The following CTNNA3 variants were observed in gnomAD, a reference collection of about 807,000 sequenced individuals.
CTNNA3 encodes the protein catenin alpha-3.
A neutral mutation model predicts 95.7 loss-of-function variants in CTNNA3; 76 were observed. The ratio of observed to expected loss-of-function variants is 0.79; its 90% CI spans 0.66 to 0.96. CTNNA3 has a LOEUF of 0.96. Among genes scored for constraint, CTNNA3 ranks in the 40% least tolerant of loss-of-function variants. CTNNA3 has a pLI of 0.00. For synonymous variants in CTNNA3, 431 were observed against 374.4 expected, an observed-to-expected ratio of 1.15 and a Z score of -1.74; for missense variants, 1,191 against 1,089.8, an observed-to-expected ratio of 1.09 and a Z score of -1.31.
chr10:66,048,480 G>T (rs1267803922), intron 15 of CTNNA3, among the ~76,000 whole-genome samples: 2 of 152,056 alleles, frequency 1.3e-5, no homozygotes, highest in Non-Finnish European at 2.9e-5. Context: ...TCAACTCAAG[G>T]CTCAGCGCGG....
intron 1 of CTNNA3, among the ~76,000 whole-genome samples, chr10:67,719,342 C>T (rs1433871976): frequency 6.6e-6 from 1 of 151,770 alleles, no homozygotes; most frequent in Admixed American, 6.6e-5. Context: ...CTTCTGCTAG[C>T]TTTTGAATTT....
intron 9 of CTNNA3, among the ~76,000 whole-genome samples, chr10:66,637,240 T>G (rs929998005): frequency 6.6e-6 from 1 of 152,228 alleles, no homozygotes; most frequent in Non-Finnish European, 1.5e-5. Flanking sequence ...TTACATTGCA[T>G]GTTATTTTAT....
chr10:67,643,255 A>C (rs564843903), intron 2 of CTNNA3, among the ~76,000 whole-genome samples: 63 of 152,054 alleles, frequency 4.1e-4, no homozygotes, highest in Non-Finnish European at 7.9e-4. Flanking sequence ...CTCACTTATA[A>C]GTGGGAGCTG....
intron 7 of CTNNA3, among the ~76,000 whole-genome samples, chr10:67,087,829 A>G (rs1302387379): frequency 1.3e-5 from 2 of 151,954 alleles, no homozygotes; most frequent in African/African-American, 4.8e-5. Flanking sequence ...ACTAACCCTT[A>G]CTCTTTTCTT....
At chr10:66,818,026 A>G (rs999724595) in intron 7 of CTNNA3, among the ~76,000 whole-genome samples, 2 of 152,006 alleles carry the variant, frequency 1.3e-5, no homozygotes, top group African/African-American at 2.4e-5. Flanking sequence ...TGAATAGAAT[A>G]ATGAACCAAA....
chr10:67,074,805 T>C (rs1166226378), intron 7 of CTNNA3, among the ~76,000 whole-genome samples: 5 of 149,330 alleles, frequency 3.3e-5, no homozygotes, highest in African/African-American at 1.3e-4. Context: ...ATTATGAACA[T>C]AACATAATTT....
At chr10:66,874,545 A>G (rs911960820) in intron 7 of CTNNA3, among the ~76,000 whole-genome samples, 3 of 152,220 alleles carry the variant, frequency 2.0e-5, no homozygotes, top group Admixed American at 2.0e-4. Context: ...TAAAGGTATT[A>G]TATTTAAACA....
chr10:65,920,058 A>G lies in CTNNA3; in HGVS notation c.*272T>C. ...TTTATTTGGTAACGAATAGTAGATAATCTCTATGATGGGAAACGCTGAATG... is the reference window on the plus strand; with the variant it reads ...TTTATTTGGTAACGAATAGTAGATAGTCTCTATGATGGGAAACGCTGAATG... On this transcript the variant is annotated 3_prime_UTR_variant, in exon 18 of 18. Coordinates refer to ENST00000433211, the MANE Select transcript of CTNNA3 (RefSeq NM_013266.4). The G allele has an allele frequency of 2.2e-6, 1 of 448,952 alleles. No individual in the cohort carries two copies. The highest frequency in any genetic ancestry group is 4.0e-6 in the Non-Finnish European group (1 of 249,492). 27.8% of individuals were successfully genotyped at this position (448,952 alleles called of 1,614,324 possible).
intron 7 of CTNNA3, among the ~76,000 whole-genome samples, chr10:67,058,632 C>A (rs573284721): frequency 6.6e-6 from 1 of 151,966 alleles, no homozygotes; most frequent in Non-Finnish European, 1.5e-5. Context: ...CGCAGAAGCC[C>A]AGAGAGCACT....
chr10:67,282,135 A>T (rs1434993565), intron 5 of CTNNA3, among the ~76,000 whole-genome samples: 1 of 152,188 alleles, frequency 6.6e-6, no homozygotes, highest in Non-Finnish European at 1.5e-5. Context: ...CATAATAAAT[A>T]TTATTTTTTA....
intron 5 of CTNNA3, among the ~76,000 whole-genome samples, chr10:67,255,966 C>T (rs973507572): frequency 6.6e-6 from 1 of 151,346 alleles, no homozygotes. Flanking sequence ...CCAGCACCAC[C>T]AGAGAAATAA....
intron 12 of CTNNA3, among the ~76,000 whole-genome samples, chr10:66,372,856 T>C (rs1235720296): frequency 6.6e-6 from 1 of 152,102 alleles, no homozygotes; most frequent in Non-Finnish European, 1.5e-5. Context: ...ACCCCCATGA[T>C]TCAATTACCT....
At chr10:66,778,281 C>T (rs145460977) in intron 7 of CTNNA3, among the ~76,000 whole-genome samples, 1 of 152,192 alleles carries the variant, frequency 6.6e-6, no homozygotes, top group Non-Finnish European at 1.5e-5. Flanking sequence ...ATTCCTTTTG[C>T]ATAGCATAAA....
chr10:66,328,911 C>CATATACATATATAT (rs71466862), intron 12 of CTNNA3, among the ~76,000 whole-genome samples: 1 of 86,492 alleles, frequency 1.2e-5, no homozygotes, highest in Non-Finnish European at 2.5e-5. Context: ...CACATATATA[C>CATATACATATATAT]ATATATATAT....
At chr10:67,545,162 A>T (rs1349428957) in intron 3 of CTNNA3, among the ~76,000 whole-genome samples, 1 of 152,208 alleles carries the variant, frequency 6.6e-6, no homozygotes, top group Admixed American at 6.5e-5. Flanking sequence ...TGTTGGTAAA[A>T]TTATATAAAA....
At chr10:67,420,364 A>G (rs1845706252) in intron 5 of CTNNA3, among the ~76,000 whole-genome samples, 2 of 152,226 alleles carry the variant, frequency 1.3e-5, no homozygotes, top group Non-Finnish European at 2.9e-5. Flanking sequence ...CTTTGCAGCA[A>G]TAAGTCAGCA....
intron 5 of CTNNA3, among the ~76,000 whole-genome samples, chr10:67,444,413 T>A (rs1205972332): frequency 6.6e-6 from 1 of 152,008 alleles, no homozygotes; most frequent in Non-Finnish European, 1.5e-5. Context: ...GGAGGCAAGT[T>A]CATACCTATA....
intron 7 of CTNNA3, among the ~76,000 whole-genome samples, chr10:67,053,955 T>A (rs565301226): frequency 2.6e-4 from 39 of 152,098 alleles, no homozygotes; most frequent in African/African-American, 9.2e-4. Flanking sequence ...CCTAATGACC[T>A]TATGTCATCC....
chr10:67,092,476 C>T (rs1394360246), intron 7 of CTNNA3, among the ~76,000 whole-genome samples: 12 of 151,706 alleles, frequency 7.9e-5, no homozygotes, highest in Non-Finnish European at 1.8e-4. Context: ...CTTTTCTATC[C>T]AACAGAAGAG....
Sources: allele counts gnomAD v4.1 joint callset (sites outside exome capture counted in the v4.1 genomes callset), GRCh38; gene constraint gnomAD v4.1.1; transcripts MANE v1.5; gene names NCBI Gene and HGNC (gene_info 2026-07-23, HGNC 2026-07-21).